The following NTRK2 variants were observed in gnomAD, a reference collection of about 807,000 sequenced individuals.
NTRK2 encodes the protein neurotrophic receptor tyrosine kinase 2, also known as BDNF/NT-3 growth factors receptor.
A neutral mutation model predicts 94.5 loss-of-function variants in NTRK2; 13 were observed. The ratio of observed to expected loss-of-function variants is 0.14; its 90% CI spans 0.09 to 0.22. The LOEUF (loss-of-function observed/expected upper bound fraction) is 0.22. Among genes scored for constraint, NTRK2 ranks in the 10% least tolerant of loss-of-function variants. The pLI is 1.00. For synonymous variants in NTRK2, 372 were observed against 407.4 expected, an observed-to-expected ratio of 0.91 and a Z score of 1.05; for missense variants, 639 against 1,071.2, an observed-to-expected ratio of 0.60 and a Z score of 5.63.
At chr9:84,877,046 G>C in intron 14 of NTRK2, 1 of 1,063,266 alleles carries the variant, frequency 9.4e-7, no homozygotes, top group Non-Finnish European at 1.1e-6. Context: ...CTTTGGGGAG[G>C]GAGACAGTGG....
At chr9:84,811,039 A>G in intron 12 of NTRK2, 1 of 1,081,162 alleles carries the variant, frequency 9.2e-7, no homozygotes, top group Non-Finnish European at 1.1e-6. Context: ...TCTAATCTAC[A>G]TGTAACACAT....
chr9:84,788,732 C>T (rs77457416), intron 12 of NTRK2, among the ~76,000 whole-genome samples: 3 of 151,928 alleles, frequency 2.0e-5, no homozygotes, highest in Non-Finnish European at 2.9e-5. Context: ...TGGGGGAATT[C>T]GAGAGGTGGC....
rs557320586 is a variant in NTRK2, at chr9:84,931,494, G to A, written c.1634-2668G>A. On this transcript the variant is annotated intron_variant, in intron 14 of 18. Coordinates refer to ENST00000277120, the MANE Select transcript of NTRK2 (RefSeq NM_006180.6). ...GCAAAAGGACACTGCTCAGATTATC[G>A]GTGCCCCAAAACATAACAAAGCAGA... Among the ~76,000 whole-genome samples the A allele has an allele frequency of 4.1e-3, 616 of 151,644 alleles. 3 individuals carry two copies. Among genetic ancestry groups the A allele is most frequent in the Non-Finnish European group, 7.0e-3 (474 of 67,920 alleles).
intron 17 of NTRK2, among the ~76,000 whole-genome samples, chr9:84,985,118 CT>C (rs1828139152): frequency 6.6e-6 from 1 of 152,174 alleles, no homozygotes; most frequent in Non-Finnish European, 1.5e-5. Flanking sequence ...ACAGCCAAAT[CT>C]TTTGTAATAA....
chr9:84,761,433 C>T (rs1451739101), intron 12 of NTRK2, among the ~76,000 whole-genome samples: 1 of 152,128 alleles, frequency 6.6e-6, no homozygotes, highest in Non-Finnish European at 1.5e-5. Flanking sequence ...CTTTCCTGCA[C>T]TTGCTTCCTG....
intron 12 of NTRK2, chr9:84,814,910 G>A: frequency 9.4e-7 from 1 of 1,060,744 alleles, no homozygotes; most frequent in Non-Finnish European, 1.1e-6. Flanking sequence ...ACTCTATTAA[G>A]TGTGTTCTGC....
intron 14 of NTRK2, among the ~76,000 whole-genome samples, chr9:84,888,407 G>A (rs150914688): frequency 0.023 from 3,543 of 151,528 alleles, 140 homozygotes; most frequent in African/African-American, 0.08. Flanking sequence ...TCAAGAGACC[G>A]AGACCATCCT....
intron 12 of NTRK2, among the ~76,000 whole-genome samples, chr9:84,842,382 T>A (rs747057884): frequency 6.6e-6 from 1 of 152,192 alleles, no homozygotes; most frequent in Non-Finnish European, 1.5e-5. Context: ...TTTAAGGCAC[T>A]ATGTGAGAAT....
At chr9:84,782,428 G>A (rs886473739) in intron 12 of NTRK2, among the ~76,000 whole-genome samples, 1 of 152,132 alleles carries the variant, frequency 6.6e-6, no homozygotes, top group Non-Finnish European at 1.5e-5. Flanking sequence ...CACGTTCTGC[G>A]GCTCTCCCCT....
intron 12 of NTRK2, among the ~76,000 whole-genome samples, chr9:84,820,835 T>C (rs778546259): frequency 1.6e-4 from 25 of 152,308 alleles, no homozygotes; most frequent in Non-Finnish European, 3.1e-4. Context: ...TGTATAATAT[T>C]GATACTATCA....
rs1020989344 is a variant in NTRK2 at position 84,737,604 on chromosome 9, G to A, written c.1160-4288G>A. 1.2e-4 allele frequency among the ~76,000 whole-genome samples: 19 copies of A among 152,236 alleles called. 1 individual carries two copies. Among genetic ancestry groups the A allele is most frequent in the Admixed American group, 1.1e-3 (17 of 15,290 alleles). On this transcript the variant is annotated intron_variant, in intron 9 of 18. Transcript: ENST00000277120. ...CCCTGGGAAGCTTTGTCAGGAGTGC[G>A]GCTGTGGCTGTGATACAGTTGCTAT...
rs1443757278 is a variant in NTRK2, at chr9:84,874,296, A to T, written c.1633+6865A>T. On this transcript the variant is annotated intron_variant, in intron 14 of 18. Transcript: ENST00000277120. ...GAGTGCTCCCTCTGGTTAAGTAGAGATGGCACCACCGGAGTTTTTCTTGGA... is the reference window on the plus strand; with the variant it reads ...GAGTGCTCCCTCTGGTTAAGTAGAGTTGGCACCACCGGAGTTTTTCTTGGA... 4 of 1,065,282 alleles carry T rather than the reference A, an allele frequency of 3.8e-6. No homozygotes were observed. In the Admixed American group the frequency reaches 1.6e-4, roughly 43 times the overall value. The allele number at this position is 1,065,282 out of a possible 1,614,324, so 66.0% of individuals were successfully genotyped here.
intron 2 of NTRK2, among the ~76,000 whole-genome samples, chr9:84,682,315 G>T (rs1564038203): frequency 6.6e-6 from 1 of 152,134 alleles, no homozygotes; most frequent in African/African-American, 2.4e-5. Flanking sequence ...TTATTGTATG[G>T]AATTTAGCTG....
At chr9:84,983,737 C>T (rs186227120) in intron 17 of NTRK2, among the ~76,000 whole-genome samples, 6 of 152,294 alleles carry the variant, frequency 3.9e-5, no homozygotes, top group East Asian at 1.9e-4. Context: ...ACTGCCCCTC[C>T]GCCCCCACAC....
intron 12 of NTRK2, among the ~76,000 whole-genome samples, chr9:84,853,662 A>C (rs2074900185): frequency 1.3e-5 from 2 of 152,180 alleles, no homozygotes; most frequent in South Asian, 4.1e-4. Flanking sequence ...GATAGTGGTA[A>C]ATTACACAGA....
intron 14 of NTRK2, among the ~76,000 whole-genome samples, chr9:84,916,253 G>A (rs144593260): frequency 1.2e-4 from 18 of 152,150 alleles, no homozygotes; most frequent in African/African-American, 4.1e-4. Context: ...GAAATAAAAT[G>A]GAACCATTTG....
intron 12 of NTRK2, among the ~76,000 whole-genome samples, chr9:84,822,933 C>T (rs1244086923): frequency 6.6e-6 from 1 of 152,130 alleles, no homozygotes; most frequent in Non-Finnish European, 1.5e-5. Flanking sequence ...CAGATATGCT[C>T]ATTAATTGCT....
At position 84,967,262 on chromosome 9, in the gene NTRK2, C is replaced by T. The variant is rs373805819; in HGVS notation, c.2172+11745C>T. Among the ~76,000 whole-genome samples the T allele has an allele frequency of 1.6e-4, 25 of 152,324 alleles. No homozygotes were observed. The East Asian group carries it at 4.4e-3, about 27-fold the overall frequency. On this transcript the variant is annotated intron_variant, in intron 17 of 18. Transcript: ENST00000277120. Reference sequence around the variant, plus strand: ...CATGCCAACACAGAGCACACCACCGCCCCTGCCCCGCAACCCCTCTCCACA... The same window carrying T: ...CATGCCAACACAGAGCACACCACCGTCCCTGCCCCGCAACCCCTCTCCACA...
intron 17 of NTRK2, among the ~76,000 whole-genome samples, chr9:84,967,276 C>T (rs1825666995): frequency 6.6e-6 from 1 of 152,236 alleles, no homozygotes; most frequent in South Asian, 2.1e-4. Context: ...TGCCCCGCAA[C>T]CCCTCTCCAC....
Sources: gnomAD v4.1 joint callset for allele counts (sites outside exome capture counted in the v4.1 genomes callset) on GRCh38, gnomAD v4.1.1 for gene constraint, MANE v1.5 for transcripts, NCBI Gene and HGNC (gene_info 2026-07-23, HGNC 2026-07-21) for gene names.